PEG3: variants seen among roughly 807,000 people sequenced by gnomAD.
The protein encoded by PEG3 is paternally expressed 3, also known as paternally-expressed gene 3 protein.
PEG3 carries 23 observed loss-of-function variants against 35.5 expected under a neutral mutation model. The ratio of observed to expected loss-of-function variants is 0.65; its 90% CI spans 0.47 to 0.92. The LOEUF (loss-of-function observed/expected upper bound fraction) is 0.92, where lower values mean the gene tolerates loss of function less well. Ranked by LOEUF, PEG3 falls within the 40% of genes least tolerant of loss-of-function variation. The pLI is 0.00. For missense variants in PEG3, 1,960 were observed against 1,985.3 expected (o/e 0.99, Z 0.24); for synonymous variants, 707 against 697.0 (o/e 1.01, Z -0.23).
chr19:56,825,538 G>A (rs2060937285), intron 3 of PEG3, among the ~76,000 whole-genome samples: 1 of 149,980 alleles, frequency 6.7e-6, no homozygotes, highest in African/African-American at 2.4e-5. Context: ...TTTGAGATTG[G>A]ACATAAATGT....
intron 8 of PEG3, among the ~76,000 whole-genome samples, chr19:56,818,303 T>A (rs1358667833): frequency 6.6e-6 from 1 of 152,168 alleles, no homozygotes. Flanking sequence ...ATCCTGAATG[T>A]CTACTTAAAA....
rs1426540655 is a variant in PEG3 at position 56,812,635 on chromosome 19, G to T, written c.*1040C>A. 1.0e-6 allele frequency: 1 copy of T among 985,552 alleles called. No individual in the cohort carries two copies. The highest frequency in any genetic ancestry group is 4.7e-5 in the South Asian group (1 of 21,282). 61.1% of individuals were successfully genotyped at this position (985,552 alleles called of 1,614,324 possible). ...GAAGCGCACAAAGGAAGTGATGAAA[G>T]GTTATTAGCCTGCAACATTATTTAC... On this transcript the variant is annotated 3_prime_UTR_variant, in exon 10 of 10. Transcript: ENST00000326441.
chr19:56,819,372 T>C (rs1414640317), intron 7 of PEG3, among the ~76,000 whole-genome samples: 1 of 152,250 alleles, frequency 6.6e-6, no homozygotes, highest in Non-Finnish European at 1.5e-5. Flanking sequence ...TCTGTCTTAA[T>C]GGATATTTAC....
intron 1 of PEG3, among the ~76,000 whole-genome samples, chr19:56,839,249 T>G (rs1296928607): frequency 3.1e-5 from 3 of 96,776 alleles, no homozygotes; most frequent in Admixed American, 2.8e-4. Flanking sequence ...CGCAGCAAAC[T>G]CCAGCAGCCC....
intron 6 of PEG3, 51 bp from the exon 7 acceptor site, chr19:56,821,805 G>A (rs760159588): frequency 2.0e-5 from 32 of 1,602,236 alleles, no homozygotes; most frequent in Non-Finnish European, 2.5e-5. Flanking sequence ...CCATCCTGCA[G>A]GTCCCAGGTT....
At position 56,814,295 on chromosome 19, in the gene PEG3, C is replaced by G. The variant is rs1304991919; in HGVS notation, c.4147G>C (p.Val1383Leu). 6.2e-7 allele frequency: 1 copy of G among 1,613,896 alleles called. No homozygotes were observed. The highest frequency in any genetic ancestry group is 1.1e-5 in the South Asian group (1 of 91,056). The change falls in exon 10 of 10, where the codon GTA (valine) becomes CTA (leucine). Residue 1383 changes from valine to leucine, a missense_variant. Val to Leu is a conservative substitution (Grantham distance 32). Around this residue, in one of 5 missense-constraint regions of PEG3, gnomAD observed 416 missense variants for 416.7 expected, o/e 1.00. Coordinates refer to ENST00000326441, the MANE Select transcript of PEG3 (RefSeq NM_006210.3). This position sits in a 1 kb window ranked among gnomAD's most constrained non-coding sequence, Gnocchi z 5.8. ...TTTAAGCCCTGAATCCTCAGAACTA[C>G]TTGTGGAACATGGACATTGGCTTCA... ...EVEANVHVPQ[V>L]VLRIQGLNVE... is the part of the protein sequence containing the mutation.
intron 2 of PEG3, among the ~76,000 whole-genome samples, chr19:56,829,554 A>G (rs1296109644): frequency 6.6e-6 from 1 of 152,204 alleles, no homozygotes; most frequent in Non-Finnish European, 1.5e-5. Flanking sequence ...AACACAAGTC[A>G]CATTAGAGCA....
chr19:56,824,180 C>A, intron 4 of PEG3, 82 bp downstream of exon 4: 1 of 1,552,360 alleles, frequency 6.4e-7, no homozygotes, highest in Middle Eastern at 2.4e-4. Context: ...CAGTCCAGAC[C>A]ATGTCAGAAG....
At chr19:56,819,169 G>A (rs2060249981) in intron 7 of PEG3, among the ~76,000 whole-genome samples, 1 of 152,110 alleles carries the variant, frequency 6.6e-6, no homozygotes, top group African/African-American at 2.4e-5. Context: ...ATATCAAACA[G>A]GCACGGAGTA....
At position 56,811,563 on chromosome 19, in the gene PEG3, C is replaced by G; in HGVS notation, c.*2112G>C. On this transcript the variant is annotated 3_prime_UTR_variant, in exon 10 of 10. Coordinates refer to ENST00000326441, the MANE Select transcript of PEG3 (RefSeq NM_006210.3). Reference sequence around the variant, plus strand: ...CTAGCTGAAGGTTGGAACGGACACCCTGACTTACAGCAAGTTGCTTTCTGA... The same window carrying G: ...CTAGCTGAAGGTTGGAACGGACACCGTGACTTACAGCAAGTTGCTTTCTGA... 16 of 985,338 alleles carry G rather than the reference C, an allele frequency of 1.6e-5. No individual in the cohort carries two copies. Among genetic ancestry groups the G allele is most frequent in the Non-Finnish European group, 1.8e-5 (15 of 829,898 alleles). The allele number at this position is 985,338 out of a possible 1,614,324, so 61.0% of individuals were successfully genotyped here. A position where few individuals can be genotyped will look rare whatever the true frequency, so the allele number is the denominator to read the frequency against.
intron 4 of PEG3, 54 bp from the exon 5 acceptor site, chr19:56,823,733 G>GT (rs2060734883): frequency 1.9e-6 from 3 of 1,596,250 alleles, no homozygotes; most frequent in Non-Finnish European, 2.6e-6. Flanking sequence ...TCTCACAATA[G>GT]TTCCCCCCAA....
Position 56,823,694 on chromosome 19 carries a change from G to A in PEG3, c.395-15C>T. On this transcript the variant is annotated splice_polypyrimidine_tract_variant and intron_variant, in intron 4 of 9. Coordinates refer to ENST00000326441, the MANE Select transcript of PEG3 (RefSeq NM_006210.3). ...GTTGTTGTCGTCTAAGAGGACACCG[G>A]TCGCCAAGTTACTATCTCTGGCCCA... 6.2e-7 allele frequency: 1 copy of A among 1,614,012 alleles called. No homozygotes were observed. The highest frequency in any genetic ancestry group is 8.5e-7 in the Non-Finnish European group (1 of 1,179,908).
chr19:56,817,724 G>A, intron 9 of PEG3, 22 bp downstream of exon 9: 1 of 1,603,594 alleles, frequency 6.2e-7, no homozygotes, highest in Non-Finnish European at 8.5e-7. Flanking sequence ...TGGCTCCTCT[G>A]TGGGATGTGC....
chr19:56,836,111 A>C lies in PEG3; in HGVS notation c.-249-7T>G. 2.1e-6 allele frequency: 1 copy of C among 469,750 alleles called. No individual in the cohort carries two copies. Among genetic ancestry groups the C allele is most frequent in the East Asian group, 6.3e-5 (1 of 15,776 alleles). 29.1% of individuals were successfully genotyped at this position (469,750 alleles called of 1,614,324 possible). A position where few individuals can be genotyped will look rare whatever the true frequency, so the allele number is the denominator to read the frequency against. On this transcript the variant is annotated splice_polypyrimidine_tract_variant and splice_region_variant and intron_variant, in intron 1 of 9. Coordinates refer to ENST00000326441, the MANE Select transcript of PEG3 (RefSeq NM_006210.3). ...GAAGATCAAGAAGGCAAAGCTGTAG[A>C]GGAAAAGAAAATGTGAGACGCCAAG...
rs1012235138 is a variant in PEG3 at position 56,811,053 on chromosome 19, G to A, written c.*2622C>T. ...TAAACCTGTGCACAGAAACAAGAAT[G>A]AACAAGATAAGAGGAGAGTATATGT... is the stretch of plus-strand genomic sequence containing the variant. On this transcript the variant is annotated 3_prime_UTR_variant, in exon 10 of 10. Transcript: ENST00000326441. The A allele has an allele frequency of 2.5e-5, 24 of 977,086 alleles. No individual in the cohort carries two copies. Among genetic ancestry groups the A allele is most frequent in the African/African-American group, 1.1e-4 (6 of 56,980 alleles). The allele number at this position is 977,086 out of a possible 1,614,324, so 60.5% of individuals were successfully genotyped here. A position where few individuals can be genotyped will look rare whatever the true frequency, so the allele number is the denominator to read the frequency against.
rs1322885849 is a variant in PEG3, at chr19:56,836,739, C to CTCA, written c.-249-636_-249-635insTGA. Among the ~76,000 whole-genome samples, 5 of 152,012 alleles carry CTCA rather than the reference C, an allele frequency of 3.3e-5. 1 individual carries two copies. The highest frequency in any genetic ancestry group is 2.0e-4 in the Admixed American group (3 of 15,262). ...ATCCCAGCACTTTGGGAGGCCAAGGCGGGCAGATCACCTGAGGTCAGGAGT... is the reference window on the plus strand; with the variant it reads ...ATCCCAGCACTTTGGGAGGCCAAGGCTCAGGGCAGATCACCTGAGGTCAGGAGT... On this transcript the variant is annotated intron_variant, in intron 1 of 9. Coordinates refer to ENST00000326441, the MANE Select transcript of PEG3 (RefSeq NM_006210.3).
rs908154377 is a variant in PEG3 at position 56,817,161 on chromosome 19, G to A, written c.1281C>T (p.Ser427=). ...ECGSEMRKAM[S]VSSLSSLSSP... is the part of the protein sequence containing the mutation. The stretch of plus-strand genomic sequence containing the variant: ...AGCTGAGGCTGCTCAGGCTGCTCAC[G>A]CTCATGGCTTTTCTCATCTCACTAC... The change falls in exon 10 of 10, where the codon AGC becomes AGT. Residue 427 remains serine, a synonymous_variant. Transcript: ENST00000326441. The A allele has an allele frequency of 6.8e-6, 11 of 1,614,060 alleles. No homozygotes were observed. The highest frequency in any genetic ancestry group is 3.3e-5 in the South Asian group (3 of 91,076).
chr19:56,812,418 ATT>A lies in PEG3; in HGVS notation c.*1255_*1256del, dbSNP rs34297427. 82 of 846,288 alleles carry A rather than the reference ATT, an allele frequency of 9.7e-5. No homozygotes were observed. The highest frequency in any genetic ancestry group is 1.2e-3 in the Middle Eastern group (2 of 1,662). The allele number at this position is 846,288 out of a possible 1,614,324, so 52.4% of individuals were successfully genotyped here. A position where few individuals can be genotyped will look rare whatever the true frequency, so the allele number is the denominator to read the frequency against. ...GTTAAGCTTGGGTTGACTGTAAAGA[ATT>A]TTTTTTTTTTTAATGCAAGTTAGAC... On this transcript the variant is annotated 3_prime_UTR_variant, in exon 10 of 10. Coordinates refer to ENST00000326441, the MANE Select transcript of PEG3 (RefSeq NM_006210.3).
At chr19:56,840,388 C>T (rs1332963676) in intron 1 of PEG3, among the ~76,000 whole-genome samples, 194 bp downstream of exon 1, 1 of 152,202 alleles carries the variant, frequency 6.6e-6, no homozygotes, top group Non-Finnish European at 1.5e-5. Context: ...CACAGCCTGG[C>T]CGCCACTGTG....
Sources: gnomAD v4.1 joint callset for allele counts (sites outside exome capture counted in the v4.1 genomes callset) on GRCh38, gnomAD v4.1.1 for gene constraint, gnomAD v4.1.1 regional missense constraint, Gnocchi (gnomAD v3.1) non-coding constraint, MANE v1.5 for transcripts, NCBI Gene and HGNC (gene_info 2026-07-23, HGNC 2026-07-21) for gene names.